TCF12: variants seen among roughly 807,000 people sequenced by gnomAD.
TCF12 encodes the protein DNA-binding protein HTF4.
TCF12 carries 45 observed loss-of-function variants against 86.0 expected under a neutral mutation model. That is an observed-to-expected ratio of 0.52 (90% CI 0.41 to 0.67). The LOEUF (loss-of-function observed/expected upper bound fraction) is 0.67, where lower values mean the gene tolerates loss of function less well. Ranked by LOEUF, TCF12 falls within the 30% of genes least tolerant of loss-of-function variation. TCF12 has a pLI of 0.00. For synonymous variants in TCF12, 330 were observed against 299.6 expected, an observed-to-expected ratio of 1.10 and a Z score of -1.05; for missense variants, 881 against 859.9, an observed-to-expected ratio of 1.02 and a Z score of -0.31.
chr15:57,037,263 A>G (rs1469065644), intron 3 of TCF12, among the ~76,000 whole-genome samples: 2 of 152,144 alleles, frequency 1.3e-5, no homozygotes, highest in Admixed American at 1.3e-4. Context: ...AGCCTGGACA[A>G]CATGGTGAAA....
chr15:57,176,694 G>A (rs2055936279), intron 6 of TCF12, among the ~76,000 whole-genome samples: 1 of 152,164 alleles, frequency 6.6e-6, no homozygotes, highest in Non-Finnish European at 1.5e-5. Flanking sequence ...AGTGATAAGA[G>A]AATAGTTGAA....
At chr15:57,193,867 A>G (rs946177056) in intron 7 of TCF12, among the ~76,000 whole-genome samples, 5 of 152,192 alleles carry the variant, frequency 3.3e-5, no homozygotes, top group African/African-American at 9.6e-5. Flanking sequence ...TATGTTTACT[A>G]TTAAGTCAGC....
Position 57,231,177 on chromosome 15 carries a change from A to G in TCF12, c.605A>G (p.Asp202Gly), listed in dbSNP as rs754434106. The change falls in exon 9 of 21, where the codon GAT (aspartate) becomes GGT (glycine). Residue 202 changes from aspartate to glycine, a missense_variant. This residue lies in a region of TCF12 where 766 missense variants were observed against 718.9 expected (regional missense o/e 1.07). Coordinates refer to ENST00000333725, the MANE Select transcript of TCF12 (RefSeq NM_207037.2). ...GTATATGCACCATCCCCAAATTCAG[A>G]TGATTTCAACCGTGAATCTCCTAGT... ...SSVYAPSPNS[D>G]DFNRESPSYP... The G allele has an allele frequency of 5.0e-6, 8 of 1,613,074 alleles. No homozygotes were observed. Among genetic ancestry groups the G allele is most frequent in the Non-Finnish European group, 6.8e-6 (8 of 1,179,242 alleles).
intron 5 of TCF12, among the ~76,000 whole-genome samples, chr15:57,141,038 A>G (rs2052925764): frequency 6.6e-6 from 1 of 152,162 alleles, no homozygotes; most frequent in African/African-American, 2.4e-5. Context: ...ATCAGTCTCT[A>G]TATAATTTTC....
chr15:57,130,726 TTATTAA>T (rs1235935786), intron 5 of TCF12, among the ~76,000 whole-genome samples: 10 of 152,336 alleles, frequency 6.6e-5, no homozygotes, highest in South Asian at 2.1e-4. Flanking sequence ...CTATTTTTAA[TTATTAA>T]TATTAAATGA....
At chr15:57,159,794 T>C (rs1415740253) in intron 5 of TCF12, among the ~76,000 whole-genome samples, 1 of 152,246 alleles carries the variant, frequency 6.6e-6, no homozygotes, top group Non-Finnish European at 1.5e-5. Flanking sequence ...CAGAATGTCT[T>C]ACAAAAATGA....
chr15:57,152,307 C>T (rs2053820442), intron 5 of TCF12, among the ~76,000 whole-genome samples: 1 of 152,040 alleles, frequency 6.6e-6, no homozygotes, highest in Non-Finnish European at 1.5e-5. Flanking sequence ...TTTCAAGAGG[C>T]AAAACAGTTA....
chr15:57,229,254 A>G (rs573672128), intron 8 of TCF12, among the ~76,000 whole-genome samples: 17 of 151,990 alleles, frequency 1.1e-4, no homozygotes, highest in Admixed American at 3.3e-4. Flanking sequence ...TGTACAATAC[A>G]TTGCAGACAC....
intron 5 of TCF12, among the ~76,000 whole-genome samples, chr15:57,119,048 C>CAGTT (rs2051037557): frequency 1.3e-5 from 2 of 152,000 alleles, no homozygotes; most frequent in South Asian, 4.2e-4. Context: ...CATGAATTTG[C>CAGTT]AGTTAATGAA....
chr15:57,100,265 C>G (rs566157541), intron 5 of TCF12, among the ~76,000 whole-genome samples: 5 of 152,100 alleles, frequency 3.3e-5, no homozygotes, highest in Non-Finnish European at 7.4e-5. Flanking sequence ...TTTTAAGGAG[C>G]TTTTGTAGCT....
intron 5 of TCF12, among the ~76,000 whole-genome samples, chr15:57,146,685 A>C (rs1350147748): frequency 6.6e-6 from 1 of 152,166 alleles, no homozygotes; most frequent in Non-Finnish European, 1.5e-5. Context: ...TTTGTAGTTA[A>C]TCATGAAAGC....
At chr15:57,019,848 G>T (rs1383985475) in intron 3 of TCF12, among the ~76,000 whole-genome samples, 2 of 152,002 alleles carry the variant, frequency 1.3e-5, no homozygotes, top group African/African-American at 2.4e-5. Flanking sequence ...TAGAATTCAT[G>T]CCCCTCCTGT....
intron 13 of TCF12, chr15:57,247,944 C>T (rs1478933569): frequency 1.3e-6 from 1 of 752,342 alleles, no homozygotes; most frequent in East Asian, 2.5e-5. Context: ...AAAGTTTTTG[C>T]AAAAGCTCTG....
At chr15:57,256,420 G>C (rs752379075) in intron 16 of TCF12, among the ~76,000 whole-genome samples, 1 of 152,032 alleles carries the variant, frequency 6.6e-6, no homozygotes, top group Non-Finnish European at 1.5e-5. Flanking sequence ...GCATGTTTTT[G>C]TAACTCTTGC....
chr15:56,964,877 A>G (rs1256066500), intron 3 of TCF12, among the ~76,000 whole-genome samples: 1 of 152,198 alleles, frequency 6.6e-6, no homozygotes, highest in Non-Finnish European at 1.5e-5. Context: ...TAGCTTTTTA[A>G]TAAGTTGTAT....
At chr15:57,113,253 A>G (rs6493901) in intron 5 of TCF12, among the ~76,000 whole-genome samples, 59,641 of 152,154 alleles carry the variant, frequency 0.39, 14,462 homozygotes, top group Non-Finnish European at 0.54. Context: ...TCCGTCAAGG[A>G]TTAGCTTATG....
intron 20 of TCF12, among the ~76,000 whole-genome samples, chr15:57,284,251 C>CT (rs2061833704): frequency 6.6e-6 from 1 of 152,122 alleles, no homozygotes; most frequent in Non-Finnish European, 1.5e-5. Context: ...GTCGCCTGAG[C>CT]TGGAGTGCAA....
rs1224185468 is a variant in TCF12, at chr15:57,286,265, A to ATTT, written c.*120_*121insTTT. ...CTGACAGGAGGGAGAAGAAAAAACAAAACACTTGAACCAAGAAACTCAAAT... is the reference window on the plus strand; with the variant it reads ...CTGACAGGAGGGAGAAGAAAAAACAATTTAACACTTGAACCAAGAAACTCAAAT... On this transcript the variant is annotated 3_prime_UTR_variant, in exon 21 of 21. Transcript: ENST00000333725. The ATTT allele has an allele frequency of 5.1e-6, 1 of 195,402 alleles. No homozygotes were observed. Among genetic ancestry groups the ATTT allele is most frequent in the African/African-American group, 2.4e-5 (1 of 42,478 alleles). 12.1% of individuals were successfully genotyped at this position (195,402 alleles called of 1,614,324 possible).
chr15:56,961,017 G>A (rs1331176478), intron 3 of TCF12, among the ~76,000 whole-genome samples: 3 of 151,232 alleles, frequency 2.0e-5, no homozygotes, highest in Non-Finnish European at 2.9e-5. Flanking sequence ...GCGGGCACCT[G>A]TAATCCCTGC....
Sources: gnomAD v4.1 joint callset for allele counts (sites outside exome capture counted in the v4.1 genomes callset) on GRCh38, gnomAD v4.1.1 for gene constraint, gnomAD v4.1.1 regional missense constraint, MANE v1.5 for transcripts, NCBI Gene and HGNC (gene_info 2026-07-23, HGNC 2026-07-21) for gene names.